POLDIP3: variants seen among roughly 807,000 people sequenced by gnomAD.
The protein encoded by POLDIP3 is DNA polymerase delta interacting protein 3.
Under a neutral mutation model 45.1 loss-of-function variants are expected in POLDIP3, and 14 were observed. That is an observed-to-expected ratio of 0.31 (90% CI 0.20 to 0.49). The LOEUF (loss-of-function observed/expected upper bound fraction) is 0.49. Ranked by LOEUF, POLDIP3 falls within the 20% of genes least tolerant of loss-of-function variation. The pLI is 0.99. For missense variants in POLDIP3, 511 were observed against 538.8 expected, an observed-to-expected ratio of 0.95 and a Z score of 0.51; for synonymous variants, 223 against 205.2, an observed-to-expected ratio of 1.09 and a Z score of -0.74.
At chr22:42,594,088 C>T (rs1049777241) in intron 6 of POLDIP3, among the ~76,000 whole-genome samples, 19 of 151,932 alleles carry the variant, frequency 1.3e-4, no homozygotes, top group Admixed American at 2.6e-4. Context: ...GGTGAAACCT[C>T]GTCTCTACTG....
intron 1 of POLDIP3, among the ~76,000 whole-genome samples, chr22:42,613,263 G>C (rs928209882): frequency 2.6e-5 from 4 of 152,208 alleles, no homozygotes; most frequent in Admixed American, 1.3e-4. Context: ...ATCTGAGAGA[G>C]CTTTCACAGT....
At chr22:42,596,433 T>A in intron 4 of POLDIP3, 68 bp from the exon 5 acceptor site, 2 of 1,467,952 alleles carry the variant, frequency 1.4e-6, no homozygotes, top group Non-Finnish European at 1.9e-6. Context: ...CCCCAAGAGG[T>A]TGACAACTTG....
chr22:42,607,920 C>A (rs1926858816), intron 1 of POLDIP3, among the ~76,000 whole-genome samples: 1 of 151,808 alleles, frequency 6.6e-6, no homozygotes, highest in Admixed American at 6.6e-5. Flanking sequence ...GGCAGCCGCC[C>A]CGTCTGGGAG....
chr22:42,608,463 C>T (rs995599718), intron 1 of POLDIP3, among the ~76,000 whole-genome samples: 10 of 151,924 alleles, frequency 6.6e-5, no homozygotes, highest in African/African-American at 2.4e-4. Context: ...ACCACCACCA[C>T]CAAAACAAAA....
At chr22:42,599,547 T>C (rs113570922) in intron 4 of POLDIP3, 151 bp downstream of exon 4, 11 of 652,928 alleles carry the variant, frequency 1.7e-5, no homozygotes, top group African/African-American at 5.6e-5. Context: ...GAGGTTGCAG[T>C]GAGCCAAGAT....
intron 4 of POLDIP3, 40 bp downstream of exon 4, chr22:42,599,658 T>G: frequency 6.9e-7 from 1 of 1,442,950 alleles, no homozygotes; most frequent in African/African-American, 1.4e-5. Flanking sequence ...CCCACCTGCC[T>G]GATCAGACAC....
intron 7 of POLDIP3, among the ~76,000 whole-genome samples, chr22:42,589,229 C>T (rs1414472112): frequency 2.1e-5 from 3 of 140,498 alleles, no homozygotes; most frequent in South Asian, 4.4e-4. Context: ...GGCGACAGAG[C>T]GAGACTCCGT....
At chr22:42,596,433 T>C (rs767484854) in intron 4 of POLDIP3, 68 bp from the exon 5 acceptor site, 129 of 1,467,832 alleles carry the variant, frequency 8.8e-5, no homozygotes, top group East Asian at 1.4e-4. Context: ...CCCCAAGAGG[T>C]TGACAACTTG....
chr22:42,608,435 AAAACAAAAC>A lies in POLDIP3; in HGVS notation c.60-5284_60-5276del, dbSNP rs370164837. Reference sequence around the variant, plus strand: ...AAGACCCTGTCTCAAAAATCAAAACAAAACAAAACAAAAAAAAACCACCACCACCAAAAC... The same window carrying A: ...AAGACCCTGTCTCAAAAATCAAAACAAAAAAAAAACCACCACCACCAAAAC... On this transcript the variant is annotated intron_variant, in intron 1 of 8. Transcript: ENST00000252115. Among the ~76,000 whole-genome samples, 186 of 151,634 alleles carry A rather than the reference AAAACAAAAC, an allele frequency of 1.2e-3. 1 individual carries two copies. Among genetic ancestry groups the A allele is most frequent in the African/African-American group, 3.9e-3 (161 of 41,026 alleles).
rs115590837 is a variant in POLDIP3 at position 42,610,545 on chromosome 22, T to C, written c.59+4254A>G. 4.3e-3 allele frequency among the ~76,000 whole-genome samples: 651 copies of C among 152,274 alleles called. 4 individuals are homozygous for C. The highest frequency in any genetic ancestry group is 0.015 in the African/African-American group (634 of 41,544). On this transcript the variant is annotated intron_variant, in intron 1 of 8. Coordinates refer to ENST00000252115, the MANE Select transcript of POLDIP3 (RefSeq NM_032311.5). ...TGACAGAAAGCTATCCGCTGAGGGT[T>C]AAACTCATCGAACTAACAAAAGCGG... is the stretch of plus-strand genomic sequence containing the variant.
Position 42,584,717 on chromosome 22 carries a change from C to G in POLDIP3, c.*1074G>C, listed in dbSNP as rs1362339173. 4 of 360,338 alleles carry G rather than the reference C, an allele frequency of 1.1e-5. No individual in the cohort carries two copies. In the East Asian group the frequency reaches 3.0e-4, roughly 27 times the overall value. The allele number at this position is 360,338 out of a possible 1,614,324, so 22.3% of individuals were successfully genotyped here. ...CTTGACTCCTCCTCCTCTGCCAAGG[C>G]AGGAAAATAATCCTCTGGTCATGGA... is the stretch of plus-strand genomic sequence containing the variant. On this transcript the variant is annotated 3_prime_UTR_variant, in exon 9 of 9. Coordinates refer to ENST00000252115, the MANE Select transcript of POLDIP3 (RefSeq NM_032311.5).
chr22:42,589,452 G>A (rs1925532181), intron 7 of POLDIP3, among the ~76,000 whole-genome samples: 1 of 152,116 alleles, frequency 6.6e-6, no homozygotes, highest in South Asian at 2.1e-4. Context: ...ATATATGCAA[G>A]TAACAACAGA....
At chr22:42,612,169 T>C (rs1233966692) in intron 1 of POLDIP3, among the ~76,000 whole-genome samples, 1 of 152,230 alleles carries the variant, frequency 6.6e-6, no homozygotes, top group African/African-American at 2.4e-5. Context: ...TGTTACTCCT[T>C]TACTTTAAGA....
At chr22:42,587,636 A>G in intron 7 of POLDIP3, 64 bp from the exon 8 acceptor site, 2 of 1,459,676 alleles carry the variant, frequency 1.4e-6, no homozygotes, top group Non-Finnish European at 1.9e-6. Context: ...CAAGAGGACA[A>G]GGGCTGTACC....
chr22:42,593,435 G>C (rs1391901098), intron 6 of POLDIP3, among the ~76,000 whole-genome samples: 3 of 152,194 alleles, frequency 2.0e-5, no homozygotes, highest in African/African-American at 7.2e-5. Context: ...CCACCATTAT[G>C]TATCTTCCAA....
rs773325445 is a variant in POLDIP3, at chr22:42,603,038, C to G, written c.182G>C (p.Gly61Ala). 1.2e-6 allele frequency: 2 copies of G among 1,614,018 alleles called. No individual in the cohort carries two copies. The highest frequency in any genetic ancestry group is 1.7e-5 in the Admixed American group (1 of 59,994). ...QQRFDARQKIGLSDARLKLGV... is the reference protein window; with the variant it reads ...QQRFDARQKIALSDARLKLGV... ...CAGTTTGAGCCGGGCATCTGAGAGG[C>G]CAATCTTCTGCCGGGCATCAAATCT... Residue 61 changes from glycine to alanine, a missense_variant, in exon 2 of 9, where the codon GGC (glycine) becomes GCC (alanine). By Grantham distance (60) the Gly-to-Ala change is moderately conservative. Coordinates refer to ENST00000252115, the MANE Select transcript of POLDIP3 (RefSeq NM_032311.5).
chr22:42,585,127 C>G lies in POLDIP3; in HGVS notation c.*664G>C. ...AAAGGTGAACTCTGGAGAACTTCCT[C>G]TGGGTGGAGACGACACGGGACTCCA... On this transcript the variant is annotated 3_prime_UTR_variant, in exon 9 of 9. Coordinates refer to ENST00000252115, the MANE Select transcript of POLDIP3 (RefSeq NM_032311.5). The G allele has an allele frequency of 2.3e-6, 1 of 439,228 alleles. No homozygotes were observed. Among genetic ancestry groups the G allele is most frequent in the South Asian group, 1.6e-5 (1 of 62,054 alleles). The allele number at this position is 439,228 out of a possible 1,614,324, so 27.2% of individuals were successfully genotyped here.
At position 42,583,945 on chromosome 22, in the gene POLDIP3, T is replaced by C. The variant is rs777345970; in HGVS notation, c.*1846A>G. ...AAACAGGTCCCCTCAATGTACCAGA[T>C]GGTCACCTATAGCACCAGCTCCAGA... On this transcript the variant is annotated 3_prime_UTR_variant, in exon 9 of 9. Coordinates refer to ENST00000252115, the MANE Select transcript of POLDIP3 (RefSeq NM_032311.5). 6.6e-6 allele frequency: 1 copy of C among 152,282 alleles called. No homozygotes were observed. Among genetic ancestry groups the C allele is most frequent in the Admixed American group, 6.6e-5 (1 of 15,234 alleles). 9.4% of individuals were successfully genotyped at this position (152,282 alleles called of 1,614,324 possible). A position where few individuals can be genotyped will look rare whatever the true frequency, so the allele number is the denominator to read the frequency against.
chr22:42,614,525 C>T (rs573236083), intron 1 of POLDIP3, among the ~76,000 whole-genome samples: 93 of 152,272 alleles, frequency 6.1e-4, no homozygotes, highest in African/African-American at 2.2e-3. Flanking sequence ...ACGCGGGGGC[C>T]CCAGGGGGCA....
Sources: gnomAD v4.1 joint callset for allele counts (sites outside exome capture counted in the v4.1 genomes callset) on GRCh38, gnomAD v4.1.1 for gene constraint, MANE v1.5 for transcripts, NCBI Gene and HGNC (gene_info 2026-07-23, HGNC 2026-07-21) for gene names.